The following CLIC5 variants were observed in gnomAD, a reference collection of about 807,000 sequenced individuals.
CLIC5 encodes CLIC family member 5, also known as chloride intracellular channel protein 5.
A neutral mutation model predicts 24.7 loss-of-function variants in CLIC5; 20 were observed. The observed-to-expected ratio is 0.81, with a 90% CI of 0.57 to 1.18. The LOEUF (loss-of-function observed/expected upper bound fraction) is 1.18, where lower values mean the gene tolerates loss of function less well. CLIC5 is among the 50% of genes most tolerant of loss of function. The probability of loss-of-function intolerance (pLI) is 0.00; values close to 1 mark genes in which losing one functional copy is unlikely to be tolerated. For synonymous variants in CLIC5, 159 were observed against 135.6 expected (o/e 1.17, Z -1.20); for missense variants, 341 against 326.1 (o/e 1.05, Z -0.35).
chr6:45,955,107 T>G, intron 2 of CLIC5, 28 bp downstream of exon 2: 1 of 1,538,208 alleles, frequency 6.5e-7, no homozygotes, highest in African/African-American at 1.4e-5. Flanking sequence ...CAGCTAAACA[T>G]ACTCCTCATT....
intron 5 of CLIC5, among the ~76,000 whole-genome samples, chr6:45,910,914 G>A (rs1287113417): frequency 6.6e-6 from 1 of 152,156 alleles, no homozygotes; most frequent in African/African-American, 2.4e-5. Context: ...TTATTTCTGG[G>A]AGCAGCAGCT....
chr6:46,050,853 A>ATGTGTGTGTG (rs56660827), intron 1 of CLIC5, among the ~76,000 whole-genome samples: 20,861 of 148,518 alleles, frequency 0.14, 1,539 homozygotes, highest in South Asian at 0.29. Context: ...GTGTGTGTGT[A>ATGTGTGTGTG]TGTGTGTGTG....
the CLIC5 span, among the ~76,000 whole-genome samples, chr6:46,105,253 T>A: frequency 6.6e-6 from 1 of 152,190 alleles, no homozygotes; most frequent in African/African-American, 2.4e-5. Flanking sequence ...TTGTTTTTTT[T>A]AAAGTTAAAA....
the CLIC5 span, among the ~76,000 whole-genome samples, chr6:46,127,905 G>C: frequency 6.6e-6 from 1 of 152,154 alleles, no homozygotes; most frequent in African/African-American, 2.4e-5. Context: ...CATGGTTCCT[G>C]TTGCTGCTGG....
In CLIC5 at chr6:45,914,331, G is replaced by C; in HGVS notation, c.485C>G (p.Ala162Gly). Residue 162 changes from alanine to glycine, a missense_variant, in exon 5 of 6, where the codon GCC becomes GGC. Ala to Gly is a moderately conservative substitution (Grantham distance 60). Coordinates refer to ENST00000339561, the MANE Select transcript of CLIC5 (RefSeq NM_016929.5). ...LNTPLPEEID[A>G]NTCGEDKGSR... is the part of the protein sequence containing the mutation. ...CCCCTTGTCTTCCCCACAAGTGTTG[G>C]CGTCAATCTCCTCTGGTAGAGGGGT... 6.2e-7 allele frequency: 1 copy of C among 1,610,010 alleles called. No homozygotes were observed. The highest frequency in any genetic ancestry group is 2.2e-5 in the East Asian group (1 of 44,820).
intron 1 of CLIC5, among the ~76,000 whole-genome samples, chr6:45,974,593 AGAG>A (rs1392517718): frequency 2.7e-4 from 39 of 147,052 alleles, no homozygotes; most frequent in African/African-American, 9.6e-4. Flanking sequence ...CATGCCATAG[AGAG>A]GAGTTGAGGG....
chr6:45,937,408 A>G (rs1308164826), intron 4 of CLIC5: 1 of 152,254 alleles, frequency 6.6e-6, no homozygotes, highest in Non-Finnish European at 1.5e-5. Context: ...TAATTACCTT[A>G]TTGCCAGATA....
intron 4 of CLIC5, among the ~76,000 whole-genome samples, chr6:45,927,718 T>C (rs1209870781): frequency 6.6e-6 from 1 of 152,180 alleles, no homozygotes; most frequent in Admixed American, 6.5e-5. Context: ...AAGTGTTTTT[T>C]CCCTTGTCAC....
chr6:46,036,998 A>C (rs1035334804), intron 1 of CLIC5, among the ~76,000 whole-genome samples: 1 of 152,206 alleles, frequency 6.6e-6, no homozygotes, highest in Non-Finnish European at 1.5e-5. Context: ...AGCAAGAAAA[A>C]AATACCTTCC....
chr6:45,947,558 T>A (rs566220832), intron 3 of CLIC5, among the ~76,000 whole-genome samples: 1 of 152,124 alleles, frequency 6.6e-6, no homozygotes, highest in Non-Finnish European at 1.5e-5. Context: ...CTAATGATCA[T>A]GACGGAAGCC....
intron 1 of CLIC5, among the ~76,000 whole-genome samples, chr6:45,991,064 C>T (rs977147665): frequency 6.6e-6 from 1 of 152,304 alleles, no homozygotes; most frequent in South Asian, 2.1e-4. Flanking sequence ...TAAAGTGACC[C>T]CCAGATCCCC....
chr6:46,014,629 C>A (rs1447141016), intron 1 of CLIC5: 3 of 152,206 alleles, frequency 2.0e-5, no homozygotes, highest in Non-Finnish European at 4.4e-5. Context: ...TCTGCAGCGT[C>A]GGCACCAAGG....
chr6:45,986,891 G>A (rs940934445), intron 1 of CLIC5, among the ~76,000 whole-genome samples: 1 of 152,210 alleles, frequency 6.6e-6, no homozygotes, highest in Non-Finnish European at 1.5e-5. Context: ...AAGGAGTCTT[G>A]TGCAGGGACA....
At chr6:46,125,579 A>AAT in the CLIC5 span, among the ~76,000 whole-genome samples, 17 of 151,670 alleles carry the variant, frequency 1.1e-4, no homozygotes, top group South Asian at 6.2e-4. Context: ...GTATAATTAA[A>AAT]ATATATATAT....
the CLIC5 span, among the ~76,000 whole-genome samples, chr6:46,098,006 A>G: frequency 1.3e-5 from 2 of 152,158 alleles, no homozygotes; most frequent in Non-Finnish European, 2.9e-5. Context: ...AAAGCAATAG[A>G]GATGACAGCC....
At chr6:45,919,017 G>A in intron 4 of CLIC5, 2 of 985,428 alleles carry the variant, frequency 2.0e-6, no homozygotes, top group Non-Finnish European at 1.2e-6. Flanking sequence ...CAATGGAAAT[G>A]TGCCTTGCTT....
chr6:46,041,450 G>A (rs954238466), intron 1 of CLIC5, among the ~76,000 whole-genome samples: 3 of 152,194 alleles, frequency 2.0e-5, no homozygotes, highest in Middle Eastern at 6.8e-3. Context: ...ATTGAGACAG[G>A]CCACCTCCCC....
Position 46,040,396 on chromosome 6 carries a change from G to C in CLIC5, c.540+39307C>G, listed in dbSNP as rs534151512. On this transcript the variant is annotated intron_variant, in intron 1 of 5. Transcript: ENST00000185206. The stretch of plus-strand genomic sequence containing the variant: ...TGGGAATGATGGTGGATGAGGCTTG[G>C]TGGTGGTACAGATAGTAGTACAGGT... Among the ~76,000 whole-genome samples the C allele has an allele frequency of 1.2e-4, 19 of 152,264 alleles. No homozygotes were observed. The East Asian group carries it at 3.3e-3, about 26-fold the overall frequency.
downstream of CLIC5, among the ~76,000 whole-genome samples, chr6:45,896,993 T>A (rs2127286895): frequency 6.6e-6 from 1 of 152,228 alleles, no homozygotes; most frequent in South Asian, 2.1e-4. Context: ...AAAATCACCA[T>A]CAAACAATCT....
Sources: allele counts gnomAD v4.1 joint callset (sites outside exome capture counted in the v4.1 genomes callset), GRCh38; gene constraint gnomAD v4.1.1; transcripts MANE v1.5; gene names NCBI Gene and HGNC (gene_info 2026-07-23, HGNC 2026-07-21).